Variants in TTBK2 observed in about 807,000 individuals in gnomAD.
TTBK2 encodes tau tubulin kinase 2.
TTBK2 carries 28 observed loss-of-function variants against 110.8 expected under a neutral mutation model. That is an observed-to-expected ratio of 0.25 (90% CI 0.19 to 0.35). The LOEUF is 0.35. Ranked by LOEUF, TTBK2 falls within the 10% of genes least tolerant of loss-of-function variation. The pLI, the probability that TTBK2 is intolerant of heterozygous loss-of-function variation, is 1.00. For missense variants in TTBK2, 1,369 were observed against 1,500.3 expected (o/e 0.91, Z 1.45); for synonymous variants, 532 against 527.3 (o/e 1.01, Z -0.12).
chr15:42,752,962 G>A lies in TTBK2; in HGVS notation c.2284C>T (p.His762Tyr), dbSNP rs1482688243. ...QDLGPKELPD[H>Y]NRLVVREFEN... Reference sequence around the variant, plus strand: ...AATTCTCTCACAACCAGTCTATTATGATCAGGAAGTTCTTTTGGTCCCAGG... The same window carrying A: ...AATTCTCTCACAACCAGTCTATTATAATCAGGAAGTTCTTTTGGTCCCAGG... Residue 762 changes from histidine (H) to tyrosine (Y), a missense_variant, in exon 14 of 15, where the codon CAT becomes TAT. Transcript: ENST00000267890. The A allele has an allele frequency of 1.9e-6, 3 of 1,614,176 alleles. No individual in the cohort carries two copies. Among genetic ancestry groups the A allele is most frequent in the Non-Finnish European group, 8.5e-7 (1 of 1,180,024 alleles).
In TTBK2 at chr15:42,809,205, G is replaced by A. The variant is rs143539266; in HGVS notation, c.822+1409C>T. Among the ~76,000 whole-genome samples the A allele has an allele frequency of 5.2e-4, 79 of 152,318 alleles. 1 individual carries two copies. The East Asian group carries it at 0.015, about 29-fold the overall frequency. On this transcript the variant is annotated intron_variant, in intron 9 of 14. Coordinates refer to ENST00000267890, the MANE Select transcript of TTBK2 (RefSeq NM_173500.4). The stretch of plus-strand genomic sequence containing the variant: ...GCAGGAAAGAGCTGGATTATTTACA[G>A]AATCTGTGAAACAAAGTAATGTTAT...
At chr15:42,909,274 G>T (rs183874629) in intron 1 of TTBK2, among the ~76,000 whole-genome samples, 1 of 152,314 alleles carries the variant, frequency 6.6e-6, no homozygotes, top group African/African-American at 2.4e-5. Flanking sequence ...CCAAATAGCT[G>T]GGAATACAAG....
In TTBK2 at chr15:42,752,148, C is replaced by T. The variant is rs1179981266; in HGVS notation, c.3098G>A (p.Ser1033Asn). 5 of 1,614,192 alleles carry T rather than the reference C, an allele frequency of 3.1e-6. No homozygotes were observed. The highest frequency in any genetic ancestry group is 4.2e-6 in the Non-Finnish European group (5 of 1,180,042). ...FSRLTVDSHL[S>N]RSAEDSFLSP... ...CAGAAAGCTATCTTCAGCTGACCTA[C>T]TCAGGTGAGAATCTACTGTCAGTCT... The change falls in exon 14 of 15, where the codon AGT becomes AAT. Residue 1033 changes from serine (S) to asparagine (N), a missense_variant. Ser to Asn is a conservative substitution (Grantham distance 46, BLOSUM62 1). This residue lies in a region of TTBK2 where 1,097 missense variants were observed against 1,114.7 expected (regional missense o/e 0.98). Coordinates refer to ENST00000267890, the MANE Select transcript of TTBK2 (RefSeq NM_173500.4).
intron 3 of TTBK2, among the ~76,000 whole-genome samples, chr15:42,864,876 T>C (rs1454726652): frequency 8.6e-5 from 13 of 151,602 alleles, no homozygotes; most frequent in East Asian, 1.9e-4. Context: ...AAAATAACAA[T>C]AGCAACAATG....
chr15:42,825,081 C>T (rs190705392), intron 6 of TTBK2, among the ~76,000 whole-genome samples: 5 of 151,948 alleles, frequency 3.3e-5, no homozygotes, highest in East Asian at 1.9e-4. Context: ...ACTGCACTCC[C>T]GCCTGTGCAA....
chr15:42,887,128 C>G (rs116042800), intron 1 of TTBK2, among the ~76,000 whole-genome samples: 1,746 of 152,284 alleles, frequency 0.011, 29 homozygotes, highest in African/African-American at 0.039. Flanking sequence ...GTATTGACAG[C>G]CAGCCTTCTA....
intron 11 of TTBK2, among the ~76,000 whole-genome samples, chr15:42,780,317 G>A (rs1439961529): frequency 1.3e-5 from 2 of 149,368 alleles, no homozygotes; most frequent in East Asian, 3.9e-4. Context: ...ATGGGTGTGA[G>A]CCACTGTGCC....
intron 3 of TTBK2, among the ~76,000 whole-genome samples, chr15:42,860,675 GTGCTA>G (rs1894123336): frequency 1.7e-5 from 2 of 119,852 alleles, no homozygotes; most frequent in African/African-American, 7.0e-5. Context: ...ATGGCATTTA[GTGCTA>G]CACTAAATGC....
chr15:42,782,255 A>G (rs561588827), intron 11 of TTBK2, among the ~76,000 whole-genome samples: 2 of 152,260 alleles, frequency 1.3e-5, no homozygotes, highest in African/African-American at 4.8e-5. Flanking sequence ...TATTTTTAGT[A>G]GAGACAGGGT....
chr15:42,799,157 C>T (rs942182761), intron 9 of TTBK2, among the ~76,000 whole-genome samples: 1 of 152,086 alleles, frequency 6.6e-6, no homozygotes, highest in East Asian at 1.9e-4. Context: ...ATCACGAGGT[C>T]AGGAGATCGA....
At chr15:42,897,865 C>T (rs1222225510) in intron 1 of TTBK2, among the ~76,000 whole-genome samples, 1 of 143,890 alleles carries the variant, frequency 6.9e-6, no homozygotes, top group African/African-American at 2.6e-5. Context: ...CACACACACA[C>T]GGAACTTCCA....
Position 42,833,010 on chromosome 15 carries a change from A to G in TTBK2, c.292-2932T>C, listed in dbSNP as rs556794074. 2.0e-5 allele frequency among the ~76,000 whole-genome samples: 3 copies of G among 152,266 alleles called. No homozygotes were observed. In the South Asian group the frequency reaches 6.2e-4, roughly 32 times the overall value. The stretch of plus-strand genomic sequence containing the variant: ...AAAATGAAGAATCAAGAACTTATGA[A>G]CACAAAGAAGAAAACATCAGACACT... On this transcript the variant is annotated intron_variant, in intron 4 of 14. Transcript: ENST00000267890.
chr15:42,757,099 A>AT (rs1175864831), intron 13 of TTBK2, among the ~76,000 whole-genome samples: 1 of 151,762 alleles, frequency 6.6e-6, no homozygotes, highest in African/African-American at 2.4e-5. Context: ...TACTATTATC[A>AT]TTTTTTAATT....
chr15:42,867,876 T>G (rs1894442132), intron 3 of TTBK2, among the ~76,000 whole-genome samples: 1 of 152,198 alleles, frequency 6.6e-6, no homozygotes, highest in African/African-American at 2.4e-5. Context: ...CACAAAAATC[T>G]GCACAGCAAC....
chr15:42,866,047 G>A (rs1283035341), intron 3 of TTBK2, among the ~76,000 whole-genome samples: 2 of 152,160 alleles, frequency 1.3e-5, no homozygotes, highest in Non-Finnish European at 2.9e-5. Context: ...GTAAATGGAT[G>A]TAAATTATAT....
At chr15:42,755,117 A>G (rs73410973) in intron 13 of TTBK2, among the ~76,000 whole-genome samples, 9,174 of 152,110 alleles carry the variant, frequency 0.06, 634 homozygotes, top group African/African-American at 0.18. Flanking sequence ...ATATCTAATA[A>G]GAATGTCCTT....
At position 42,800,889 on chromosome 15, in the gene TTBK2, CCT is replaced by C. The variant is rs554874572; in HGVS notation, c.823-6090_823-6089del. 94 of 636,460 alleles carry C rather than the reference CCT, an allele frequency of 1.5e-4. No homozygotes were observed. In the African/African-American group the frequency reaches 1.5e-3, roughly 10 times the overall value. 39.4% of individuals were successfully genotyped at this position (636,460 alleles called of 1,614,324 possible). A position where few individuals can be genotyped will look rare whatever the true frequency, so the allele number is the denominator to read the frequency against. On this transcript the variant is annotated intron_variant, in intron 9 of 14. Coordinates refer to ENST00000267890, the MANE Select transcript of TTBK2 (RefSeq NM_173500.4). ...TGAGCCTCGGGTGGGTCTCCCGTTC[CCT>C]GTGTTCCCCTGCACAGTGGCCTCCC...
At chr15:42,884,153 G>A (rs1425711080) in intron 1 of TTBK2, among the ~76,000 whole-genome samples, 4 of 152,074 alleles carry the variant, frequency 2.6e-5, no homozygotes, top group Admixed American at 1.3e-4. Context: ...AGACAAATCC[G>A]TGGTTATAAC....
At chr15:42,908,850 T>C (rs2030574529) in intron 1 of TTBK2, among the ~76,000 whole-genome samples, 1 of 152,154 alleles carries the variant, frequency 6.6e-6, no homozygotes, top group Non-Finnish European at 1.5e-5. Flanking sequence ...CCATAAATGG[T>C]AAAAACTACA....
Sources: gnomAD v4.1 joint callset for allele counts (sites outside exome capture counted in the v4.1 genomes callset) on GRCh38, gnomAD v4.1.1 for gene constraint, gnomAD v4.1.1 regional missense constraint, MANE v1.5 for transcripts, NCBI Gene and HGNC (gene_info 2026-07-23, HGNC 2026-07-21) for gene names.